The following TGM6 variants were observed in gnomAD, a reference collection of about 807,000 sequenced individuals.
The protein encoded by TGM6 is transglutaminase 6, also known as protein-glutamine gamma-glutamyltransferase 6.
TGM6 carries 74 observed loss-of-function variants against 77.5 expected under a neutral mutation model. The ratio of observed to expected loss-of-function variants is 0.96; its 90% CI spans 0.79 to 1.16. The LOEUF (loss-of-function observed/expected upper bound fraction) is 1.16, where lower values mean the gene tolerates loss of function less well. Ranked by LOEUF, TGM6 falls within the 50% of genes most tolerant of loss-of-function variation. The probability of loss-of-function intolerance (pLI) is 0.00; values close to 1 mark genes in which losing one functional copy is unlikely to be tolerated. For synonymous variants in TGM6, 383 were observed against 378.9 expected, an observed-to-expected ratio of 1.01 and a Z score of -0.12; for missense variants, 968 against 940.2, an observed-to-expected ratio of 1.03 and a Z score of -0.39.
In TGM6 at chr20:2,417,438, C is replaced by G. The variant is rs371303959; in HGVS notation, c.1543C>G (p.Leu515Val). The change falls in exon 10 of 13, where the codon CTG (leucine) becomes GTG (valine). Residue 515 changes from leucine (L) to valine (V), a missense_variant. Physicochemically the swap from Leu to Val is conservative, Grantham distance 32. Coordinates refer to ENST00000202625, the MANE Select transcript of TGM6 (RefSeq NM_198994.3). ...PMLGHDLRLA[L>V]CLANLTSRAQ... ...GCTGGGCCACGACCTGAGACTGGCC[C>G]TGTGCTTGGCCAACCTCACCTCCCG... 10 of 1,612,492 alleles carry G rather than the reference C, an allele frequency of 6.2e-6. No homozygotes were observed. The highest frequency in any genetic ancestry group is 8.5e-6 in the Non-Finnish European group (10 of 1,179,990).
At chr20:2,418,552 A>G (rs2084833953) in intron 10 of TGM6, among the ~76,000 whole-genome samples, 2 of 152,196 alleles carry the variant, frequency 1.3e-5, no homozygotes, top group Admixed American at 6.5e-5. Flanking sequence ...GGGCAAAGCC[A>G]GGGTTCAAAG....
At position 2,430,534 on chromosome 20, in the gene TGM6, T is replaced by C. The variant is rs1343959705; in HGVS notation, c.1767T>C (p.Leu589=). ...AGATCCTGTTGGCTGCCATGTGCCT[T>C]GTCACCAAAGGAGAGAAGCTTCTGG... ...DKKILLAAMC[L]VTKGEKLLVE... The change falls in exon 11 of 13, where the codon CTT becomes CTC. Residue 589 remains leucine (L), a synonymous_variant. Transcript: ENST00000202625. 14 of 1,614,070 alleles carry C rather than the reference T, an allele frequency of 8.7e-6. No homozygotes were observed. The highest frequency in any genetic ancestry group is 5.3e-5 in the African/African-American group (4 of 74,932).
chr20:2,405,327 T>C (rs1036971089), intron 9 of TGM6, among the ~76,000 whole-genome samples: 1 of 152,166 alleles, frequency 6.6e-6, no homozygotes, highest in Non-Finnish European at 1.5e-5. Flanking sequence ...GGGTGGGAAG[T>C]TGTAAGGCAT....
At chr20:2,417,710 C>T (rs2084828437) in intron 10 of TGM6, 137 bp downstream of exon 10, 2 of 1,017,218 alleles carry the variant, frequency 2.0e-6, no homozygotes, top group Middle Eastern at 3.0e-4. Context: ...GTGCTCAGTG[C>T]CTTGCCTCTT....
intron 1 of TGM6, among the ~76,000 whole-genome samples, chr20:2,393,361 C>T (rs2325846): frequency 0.13 from 19,385 of 152,036 alleles, 1,476 homozygotes; most frequent in South Asian, 0.31. Context: ...GGTGATTTCT[C>T]TGTTTAAAAT....
intron 1 of TGM6, among the ~76,000 whole-genome samples, chr20:2,382,186 C>A (rs1263257723): frequency 6.6e-6 from 1 of 152,178 alleles, no homozygotes; most frequent in Non-Finnish European, 1.5e-5. Flanking sequence ...CATAGTCTAG[C>A]TTCCTCTTCA....
intron 12 of TGM6, 35 bp downstream of exon 12, chr20:2,431,062 G>T: frequency 6.2e-7 from 1 of 1,604,728 alleles, no homozygotes. Flanking sequence ...CAGGGAATGG[G>T]GCTCTCTTCC....
chr20:2,417,580 G>GT lies in TGM6; in HGVS notation c.1678+8dup. The GT allele has an allele frequency of 6.3e-7, 1 of 1,596,322 alleles. No homozygotes were observed. The highest frequency in any genetic ancestry group is 8.5e-7 in the Non-Finnish European group (1 of 1,178,114). ...AGGCTGGGGCCGCAAGAAGGTAAGTGTACGCTGGCTTGGTGGAATCAGGCC... is the reference window on the plus strand; with the variant it reads ...AGGCTGGGGCCGCAAGAAGGTAAGTGTTACGCTGGCTTGGTGGAATCAGGCC... On this transcript the variant is annotated splice_region_variant and intron_variant, in intron 10 of 12. Transcript: ENST00000202625.
intron 1 of TGM6, among the ~76,000 whole-genome samples, chr20:2,392,723 G>A (rs1018610467): frequency 1.3e-5 from 2 of 152,156 alleles, no homozygotes; most frequent in Non-Finnish European, 2.9e-5. Flanking sequence ...GCAACATGGC[G>A]AAACCTGGTC....
chr20:2,400,464 T>G lies in TGM6; in HGVS notation c.989+20T>G, dbSNP rs752194446. 19 of 1,613,826 alleles carry G rather than the reference T, an allele frequency of 1.2e-5. No homozygotes were observed. Among genetic ancestry groups the G allele is most frequent in the Non-Finnish European group, 1.6e-5 (19 of 1,179,966 alleles). On this transcript the variant is annotated intron_variant, in intron 7 of 12. Coordinates refer to ENST00000202625, the MANE Select transcript of TGM6 (RefSeq NM_198994.3). Reference sequence around the variant, plus strand: ...CATGTGGTGGGTCCTGCCCCCAGCCTAGGCCCGAGGGCTCTGGAAGCCCAG... The same window carrying G: ...CATGTGGTGGGTCCTGCCCCCAGCCGAGGCCCGAGGGCTCTGGAAGCCCAG...
rs370002115 is a variant in TGM6, at chr20:2,403,923, A to T, written c.1336+100A>T. ...CCTGGAGCCAGGCCTCACCCCATGT[A>T]TATGACGCTGACAGCAGCTTCCATT... On this transcript the variant is annotated intron_variant, in intron 9 of 12. Transcript: ENST00000202625. 46 of 1,588,826 alleles carry T rather than the reference A, an allele frequency of 2.9e-5. No individual in the cohort carries two copies. In the East Asian group the frequency reaches 3.6e-4, roughly 12 times the overall value.
At chr20:2,387,612 A>C in intron 1 of TGM6, among the ~76,000 whole-genome samples, 1 of 152,200 alleles carries the variant, frequency 6.6e-6, no homozygotes, top group African/African-American at 2.4e-5. Flanking sequence ...AGACCACAGC[A>C]CCAGCCCAGA....
chr20:2,396,198 A>G (rs1758700833), intron 3 of TGM6, among the ~76,000 whole-genome samples: 1 of 151,968 alleles, frequency 6.6e-6, no homozygotes, highest in Non-Finnish European at 1.5e-5. Context: ...AAAAAAAAGA[A>G]AAGAAAATAA....
At position 2,396,180 on chromosome 20, in the gene TGM6, CA is replaced by C. The variant is rs10548828; in HGVS notation, c.425-311del. 0.83 allele frequency among the ~76,000 whole-genome samples: 105,683 copies of C among 126,720 alleles called. 43,541 individuals are homozygous for C. Among genetic ancestry groups the C allele is most frequent in the Non-Finnish European group, 0.87 (51,876 of 59,564 alleles). 83.1% of individuals were successfully genotyped at this position (126,720 alleles called of 152,430 possible). On this transcript the variant is annotated intron_variant, in intron 3 of 12. Transcript: ENST00000202625. ...GGGCAACAAGAGCAAAACTCTATCTCAAAAAAAAAAAAAAAGAAAAGAAAAT... is the reference window on the plus strand; with the variant it reads ...GGGCAACAAGAGCAAAACTCTATCTCAAAAAAAAAAAAAAGAAAAGAAAAT...
At chr20:2,422,797 A>G (rs564276743) in intron 10 of TGM6, among the ~76,000 whole-genome samples, 1 of 151,888 alleles carries the variant, frequency 6.6e-6, no homozygotes, top group Non-Finnish European at 1.5e-5. Context: ...AAGAAAACAA[A>G]AAAAATTAGC....
At chr20:2,413,771 T>C (rs989693864) in intron 9 of TGM6, among the ~76,000 whole-genome samples, 1 of 152,192 alleles carries the variant, frequency 6.6e-6, no homozygotes, top group African/African-American at 2.4e-5. Context: ...TAGACTTACA[T>C]GTGAGAGCTA....
intron 1 of TGM6, among the ~76,000 whole-genome samples, chr20:2,388,070 A>G (rs995255759): frequency 1.3e-5 from 2 of 152,156 alleles, no homozygotes; most frequent in Admixed American, 6.5e-5. Flanking sequence ...AGAAGTCACA[A>G]TGTGTCACTC....
At chr20:2,394,430 TC>T in intron 1 of TGM6, 21 bp from the exon 2 acceptor site, 1 of 1,610,886 alleles carries the variant, frequency 6.2e-7, no homozygotes, top group South Asian at 1.1e-5. Flanking sequence ...TGGCCTCATC[TC>T]CCTGTCCTCT....
Position 2,425,081 on chromosome 20 carries a change from C to G in TGM6, c.1679-5365C>G, listed in dbSNP as rs116095293. Among the ~76,000 whole-genome samples, 864 of 152,176 alleles carry G rather than the reference C, an allele frequency of 5.7e-3. 15 individuals carry two copies. The highest frequency in any genetic ancestry group is 0.02 in the African/African-American group (830 of 41,506). ...GGGCACAGGGGCTCATATATGTAAT[C>G]CCAATCCCATTCACTTTTGGAGGCC... On this transcript the variant is annotated intron_variant, in intron 10 of 12. Transcript: ENST00000202625.
Sources: allele counts gnomAD v4.1 joint callset (sites outside exome capture counted in the v4.1 genomes callset), GRCh38; gene constraint gnomAD v4.1.1; transcripts MANE v1.5; gene names NCBI Gene and HGNC (gene_info 2026-07-23, HGNC 2026-07-21).